TNFSF4: variants seen among roughly 807,000 people sequenced by gnomAD.
TNFSF4 encodes tumor necrosis factor ligand superfamily member 4.
Under a neutral mutation model 7.3 loss-of-function variants are expected in TNFSF4, and 4 were observed. The ratio of observed to expected loss-of-function variants is 0.55; its 90% CI spans 0.27 to 1.25. The LOEUF is 1.25. Among genes scored for constraint, TNFSF4 ranks in the 50% most tolerant of loss-of-function variants. TNFSF4 has a pLI of 0.12. For synonymous variants in TNFSF4, 76 were observed against 83.7 expected (o/e 0.91, Z 0.50); for missense variants, 181 against 208.8 (o/e 0.87, Z 0.82).
the TNFSF4 span, among the ~76,000 whole-genome samples, chr1:173,394,229 A>C: frequency 6.6e-6 from 1 of 151,638 alleles, no homozygotes; most frequent in Non-Finnish European, 1.5e-5. Flanking sequence ...AAAAAAAAAA[A>C]AAAAAAAAAC....
At chr1:173,428,915 G>A in the TNFSF4 span, among the ~76,000 whole-genome samples, 1 of 152,216 alleles carries the variant, frequency 6.6e-6, no homozygotes, top group Non-Finnish European at 1.5e-5. Context: ...TCTGAGGCAG[G>A]AGAATTTATT....
the TNFSF4 span, among the ~76,000 whole-genome samples, chr1:173,237,260 T>C: frequency 6.6e-6 from 1 of 152,134 alleles, no homozygotes; most frequent in South Asian, 2.1e-4. Context: ...AACAGACTAA[T>C]ACAATATGCA....
rs555631664 is a variant in TNFSF4 at position 173,194,874 on chromosome 1, T to C, written c.154-6305A>G. On this transcript the variant is annotated intron_variant, in intron 1 of 2. Transcript: ENST00000281834. ...CATGCCACTGCATGACAGAGAGAAC[T>C]TGTCTCAAAAAAAAAAAAAAAAAAA... Among the ~76,000 whole-genome samples the C allele has an allele frequency of 3.9e-3, 552 of 141,124 alleles. 5 individuals carry two copies. Among genetic ancestry groups the C allele is most frequent in the African/African-American group, 0.014 (538 of 37,720 alleles). The allele number at this position is 141,124 out of a possible 152,430, so 92.6% of individuals were successfully genotyped here. A position where few individuals can be genotyped will look rare whatever the true frequency, so the allele number is the denominator to read the frequency against.
At chr1:173,245,098 AG>A in the TNFSF4 span, among the ~76,000 whole-genome samples, 1 of 151,990 alleles carries the variant, frequency 6.6e-6, no homozygotes, top group South Asian at 2.1e-4. Context: ...AACATGACTT[AG>A]AGGGTACCAC....
At chr1:173,292,981 G>T in the TNFSF4 span, among the ~76,000 whole-genome samples, 1 of 152,046 alleles carries the variant, frequency 6.6e-6, no homozygotes, top group African/African-American at 2.4e-5. Context: ...ACTGCTGAAA[G>T]AAATCTGAGG....
the TNFSF4 span, among the ~76,000 whole-genome samples, chr1:173,391,391 T>C: frequency 7.4e-6 from 1 of 134,252 alleles, no homozygotes; most frequent in Admixed American, 8.4e-5. Flanking sequence ...AAATTCATCA[T>C]ATGTATGGCT....
chr1:173,275,550 G>T, the TNFSF4 span, among the ~76,000 whole-genome samples: 1 of 152,038 alleles, frequency 6.6e-6, no homozygotes, highest in African/African-American at 2.4e-5. Flanking sequence ...CACTCTGTTG[G>T]CCATTCAAAA....
the TNFSF4 span, among the ~76,000 whole-genome samples, chr1:173,260,272 T>C: frequency 1.3e-5 from 2 of 152,206 alleles, no homozygotes; most frequent in Non-Finnish European, 2.9e-5. Flanking sequence ...AATAAAATCC[T>C]TTTTAGACAA....
chr1:173,359,690 G>A, the TNFSF4 span, among the ~76,000 whole-genome samples: 2 of 150,600 alleles, frequency 1.3e-5, no homozygotes, highest in African/African-American at 4.9e-5. Context: ...TTCCTTCTTA[G>A]GATGCTCTAT....
At chr1:173,286,419 A>G in the TNFSF4 span, among the ~76,000 whole-genome samples, 1 of 152,224 alleles carries the variant, frequency 6.6e-6, no homozygotes, top group Non-Finnish European at 1.5e-5. Flanking sequence ...GCAATGGTAC[A>G]GAATAGCTAT....
At chr1:173,426,964 G>C in the TNFSF4 span, among the ~76,000 whole-genome samples, 1 of 152,148 alleles carries the variant, frequency 6.6e-6, no homozygotes, top group East Asian at 1.9e-4. Context: ...CTATACTGTA[G>C]GCTCTGAAGA....
At chr1:173,191,943 G>A (rs1213791397) in intron 1 of TNFSF4, among the ~76,000 whole-genome samples, 2 of 152,146 alleles carry the variant, frequency 1.3e-5, no homozygotes, top group African/African-American at 4.8e-5. Flanking sequence ...TTGGGAGGCC[G>A]AGGCAGGCAG....
chr1:173,425,811 C>G, the TNFSF4 span, among the ~76,000 whole-genome samples: 1 of 152,206 alleles, frequency 6.6e-6, no homozygotes, highest in Non-Finnish European at 1.5e-5. Context: ...GGACTGTTCC[C>G]ACATTCTACA....
At chr1:173,410,824 C>A in the TNFSF4 span, among the ~76,000 whole-genome samples, 1 of 152,168 alleles carries the variant, frequency 6.6e-6, no homozygotes, top group Non-Finnish European at 1.5e-5. Context: ...CTAGGACTTG[C>A]CTGAAGCTCT....
the TNFSF4 span, chr1:173,175,170 G>A: frequency 6.6e-6 from 1 of 152,134 alleles, no homozygotes; most frequent in Non-Finnish European, 1.5e-5. Flanking sequence ...TTTGTATGAT[G>A]GCAGAGCAGG....
the TNFSF4 span, among the ~76,000 whole-genome samples, chr1:173,371,602 C>G: frequency 0.7 from 105,672 of 151,920 alleles, 36,961 homozygotes; most frequent in African/African-American, 0.77. Flanking sequence ...AAAGTTCAAG[C>G]CTTAGTAATA....
At chr1:173,270,597 T>C in the TNFSF4 span, among the ~76,000 whole-genome samples, 21 of 152,146 alleles carry the variant, frequency 1.4e-4, no homozygotes, top group Non-Finnish European at 3.1e-4. Flanking sequence ...TGAGTAATCA[T>C]AAATTTAAAG....
At chr1:173,183,459 T>C (rs1005967651), downstream of TNFSF4, among the ~76,000 whole-genome samples, 1 of 152,168 alleles carries the variant, frequency 6.6e-6, no homozygotes, top group African/African-American at 2.4e-5. Flanking sequence ...AATAAGGTTC[T>C]GAGGAAAGGA....
At chr1:173,178,862 G>A (rs1317095060), downstream of TNFSF4, among the ~76,000 whole-genome samples, 1 of 152,176 alleles carries the variant, frequency 6.6e-6, no homozygotes, top group Non-Finnish European at 1.5e-5. Context: ...GTTCCTAAAT[G>A]TAACCATTTT....
Sources: gnomAD v4.1 joint callset for allele counts (sites outside exome capture counted in the v4.1 genomes callset) on GRCh38, gnomAD v4.1.1 for gene constraint, MANE v1.5 for transcripts, NCBI Gene and HGNC (gene_info 2026-07-23, HGNC 2026-07-21) for gene names.